The following PTPRQ variants were observed in gnomAD, a reference collection of about 807,000 sequenced individuals.
PTPRQ encodes phosphatidylinositol phosphatase PTPRQ.
In PTPRQ, 199 loss-of-function variants were observed where a neutral mutation model predicts 246.0. The ratio of observed to expected loss-of-function variants is 0.81; its 90% confidence interval spans 0.72 to 0.91. PTPRQ has a LOEUF of 0.91. PTPRQ is among the 40% of genes least tolerant of loss of function. The pLI is 0.00. For missense variants in PTPRQ, 2,624 were observed against 2,528.4 expected (o/e 1.04, Z -0.81); for synonymous variants, 869 against 853.2 (o/e 1.02, Z -0.32).
In PTPRQ at chr12:80,673,230, G is replaced by T; in HGVS notation, c.6664G>T (p.Asp2222Tyr). 2 of 1,550,802 alleles carry T rather than the reference G, an allele frequency of 1.3e-6. No individual in the cohort carries two copies. The highest frequency in any genetic ancestry group is 2.4e-5 in the South Asian group (2 of 83,962). ...GGACCATTTAACACAACATATAAATGACCATGATTTTGTGGATATATATGG... is the reference window on the plus strand; with the variant it reads ...GGACCATTTAACACAACATATAAATTACCATGATTTTGTGGATATATATGG... ...ALDHLTQHIN[D>Y]HDFVDIYGLV... is the part of the protein sequence containing the mutation. Residue 2222 changes from aspartate (D) to tyrosine (Y), a missense_variant, in exon 43 of 45, where the codon GAC becomes TAC. Coordinates refer to ENST00000644991, the MANE Select transcript of PTPRQ (RefSeq NM_001145026.2).
rs1900896818 is a variant in PTPRQ, at chr12:80,669,438, A to G, written c.6427A>G (p.Thr2143Ala). Residue 2143 changes from threonine to alanine, a missense_variant, in exon 41 of 45, where the codon ACT (threonine) becomes GCT (alanine). By Grantham distance (58) the Thr-to-Ala change is moderately conservative. Transcript: ENST00000644991. ...AATGGAGGATGTTCAAATAGATTGG[A>G]CTATCAGGGATCTGAAAATTGAAAG... is the stretch of plus-strand genomic sequence containing the variant. The part of the protein sequence containing the change: ...KLMEDVQIDW[T>A]IRDLKIERHG... 1 of 1,547,582 alleles carries G rather than the reference A, an allele frequency of 6.5e-7. No individual in the cohort carries two copies.
chr12:80,546,585 A>G lies in PTPRQ; in HGVS notation c.3903A>G (p.Lys1301=). 5 of 1,548,768 alleles carry G rather than the reference A, an allele frequency of 3.2e-6. No homozygotes were observed. The highest frequency in any genetic ancestry group is 3.5e-6 in the Non-Finnish European group (4 of 1,146,272). Residue 1301 remains lysine (K), a synonymous_variant, in exon 24 of 45, where the codon AAA becomes AAG. Coordinates refer to ENST00000644991, the MANE Select transcript of PTPRQ (RefSeq NM_001145026.2). The part of the protein sequence containing the change: ...KNISGFKTEA[K]LVGLEPVSTY... ...TATCAGGATTTAAAACTGAAGCCAA[A>G]CTTGTTGGACTGGAACCAGTCAGCA...
intron 30 of PTPRQ, among the ~76,000 whole-genome samples, chr12:80,618,360 TCACA>T (rs3071377): frequency 0.042 from 5,211 of 125,494 alleles, 111 homozygotes; most frequent in South Asian, 0.083. Flanking sequence ...AGCACTACAT[TCACA>T]CACACACACA....
chr12:80,546,876 A>G, intron 24 of PTPRQ, 179 bp downstream of exon 24: 1 of 630,136 alleles, frequency 1.6e-6, no homozygotes, highest in Non-Finnish European at 2.5e-6. Flanking sequence ...ATGTGTGTTT[A>G]TACATATATT....
intron 25 of PTPRQ, among the ~76,000 whole-genome samples, chr12:80,551,622 C>T (rs932107028): frequency 2.0e-5 from 3 of 152,062 alleles, no homozygotes; most frequent in African/African-American, 7.2e-5. Context: ...ATGAAAGGCA[C>T]CATGTGTAGG....
Position 80,480,255 on chromosome 12 carries a change from A to C in PTPRQ, c.1187-4178A>C, listed in dbSNP as rs921738519. 1.2e-4 allele frequency among the ~76,000 whole-genome samples: 19 copies of C among 152,294 alleles called. 1 individual carries two copies. The highest frequency in any genetic ancestry group is 1.9e-4 in the Non-Finnish European group (13 of 68,034). ...TGCTCAACTTCATGGAAACTGAACAACCTGCTCCTGAATGACTACTGGGTA... is the reference window on the plus strand; with the variant it reads ...TGCTCAACTTCATGGAAACTGAACACCCTGCTCCTGAATGACTACTGGGTA... On this transcript the variant is annotated intron_variant, in intron 8 of 44. Coordinates refer to ENST00000644991, the MANE Select transcript of PTPRQ (RefSeq NM_001145026.2).
In PTPRQ at chr12:80,652,732, T is replaced by G. The variant is rs929273474; in HGVS notation, c.6025-12T>G. 4.2e-5 allele frequency: 62 copies of G among 1,492,346 alleles called. No homozygotes were observed. In the African/African-American group the frequency reaches 8.6e-4, roughly 21 times the overall value. The allele number at this position is 1,492,346 out of a possible 1,614,324, so 92.4% of individuals were successfully genotyped here. ...TGATAAATGTAAACTTTGTAATGACTTTATTTTACAGGAATTACCAAAATT... is the reference window on the plus strand; with the variant it reads ...TGATAAATGTAAACTTTGTAATGACGTTATTTTACAGGAATTACCAAAATT... On this transcript the variant is annotated splice_polypyrimidine_tract_variant and intron_variant, in intron 37 of 44. Transcript: ENST00000644991.
At chr12:80,655,099 G>A (rs1485318424) in intron 38 of PTPRQ, among the ~76,000 whole-genome samples, 1 of 152,054 alleles carries the variant, frequency 6.6e-6, no homozygotes, top group Non-Finnish European at 1.5e-5. Context: ...CTTATAGGAT[G>A]AGAAGAGAAT....
chr12:80,473,287 C>CT (rs1297272650), intron 8 of PTPRQ, among the ~76,000 whole-genome samples: 1 of 152,012 alleles, frequency 6.6e-6, no homozygotes, highest in Non-Finnish European at 1.5e-5. Flanking sequence ...GGAAAATGTT[C>CT]TTTTTTTGTA....
At chr12:80,478,777 C>A (rs74975030) in intron 8 of PTPRQ, among the ~76,000 whole-genome samples, 3,726 of 152,050 alleles carry the variant, frequency 0.025, 39 homozygotes, top group Middle Eastern at 0.065. Flanking sequence ...AGGGTATCAG[C>A]AATGGAAGAT....
At chr12:80,581,052 A>G (rs555395544) in intron 25 of PTPRQ, among the ~76,000 whole-genome samples, 70 of 152,278 alleles carry the variant, frequency 4.6e-4, no homozygotes, top group African/African-American at 1.6e-3. Flanking sequence ...CTAAAATCTG[A>G]ACATTGGAGG....
chr12:80,628,455 T>C (rs1038848973), intron 33 of PTPRQ, among the ~76,000 whole-genome samples: 6 of 152,216 alleles, frequency 3.9e-5, no homozygotes, highest in African/African-American at 1.4e-4. Context: ...GTCACTTGAC[T>C]GTAATACTTT....
intron 34 of PTPRQ, among the ~76,000 whole-genome samples, chr12:80,633,509 G>C (rs1899521933): frequency 6.6e-6 from 1 of 152,182 alleles, no homozygotes; most frequent in Non-Finnish European, 1.5e-5. Flanking sequence ...CGAGTTAAAG[G>C]GACCTTACAT....
At chr12:80,620,680 T>C (rs1898947492) in intron 32 of PTPRQ, among the ~76,000 whole-genome samples, 1 of 151,832 alleles carries the variant, frequency 6.6e-6, no homozygotes, top group Admixed American at 6.6e-5. Flanking sequence ...AATTTAATTC[T>C]TTCTGTAGAG....
chr12:80,478,649 A>T (rs1893913447), intron 8 of PTPRQ, among the ~76,000 whole-genome samples: 1 of 152,194 alleles, frequency 6.6e-6, no homozygotes, highest in Non-Finnish European at 1.5e-5. Flanking sequence ...AAGAATGTAT[A>T]ACTAGAATAA....
chr12:80,557,244 A>G (rs1013935022), intron 25 of PTPRQ, among the ~76,000 whole-genome samples: 2 of 151,890 alleles, frequency 1.3e-5, no homozygotes, highest in Non-Finnish European at 2.9e-5. Flanking sequence ...CTCAAATGCT[A>G]CCTCTTCAAA....
rs181483461 is a variant in PTPRQ, at chr12:80,524,061, G to A, written c.2679-9954G>A. 4.6e-5 allele frequency among the ~76,000 whole-genome samples: 7 copies of A among 152,168 alleles called. No homozygotes were observed. The East Asian group carries it at 7.7e-4, about 17-fold the overall frequency. The stretch of plus-strand genomic sequence containing the variant: ...ATCTGGTTGCTCCTGTATTGAGTGC[G>A]TATATATTTAGGATCGATAGCTCTT... On this transcript the variant is annotated intron_variant, in intron 17 of 44. Coordinates refer to ENST00000644991, the MANE Select transcript of PTPRQ (RefSeq NM_001145026.2).
chr12:80,572,988 T>A (rs976057427), intron 25 of PTPRQ, among the ~76,000 whole-genome samples: 1 of 152,196 alleles, frequency 6.6e-6, no homozygotes, highest in African/African-American at 2.4e-5. Flanking sequence ...TTTTCTCAGA[T>A]ATTTACATCA....
intron 27 of PTPRQ, among the ~76,000 whole-genome samples, chr12:80,606,220 A>T (rs1358135863): frequency 6.6e-6 from 1 of 151,026 alleles, no homozygotes; most frequent in African/African-American, 2.4e-5. Context: ...TTAAATATGG[A>T]TCTGGAGCTC....
Sources: allele counts gnomAD v4.1 joint callset (sites outside exome capture counted in the v4.1 genomes callset), GRCh38; gene constraint gnomAD v4.1.1; transcripts MANE v1.5; gene names NCBI Gene and HGNC (gene_info 2026-07-23, HGNC 2026-07-21).